MTSS1: variants seen among roughly 807,000 people sequenced by gnomAD.
MTSS1 encodes protein MTSS 1.
Under a neutral mutation model 79.0 loss-of-function variants are expected in MTSS1, and 18 were observed. The observed-to-expected ratio is 0.23, with a 90% CI of 0.16 to 0.34. The LOEUF (loss-of-function observed/expected upper bound fraction) is 0.34. Ranked by LOEUF, MTSS1 falls within the 10% of genes least tolerant of loss-of-function variation. MTSS1 has a pLI of 1.00. For synonymous variants in MTSS1, 341 were observed against 368.6 expected (o/e 0.93, Z 0.86); for missense variants, 815 against 986.2 (o/e 0.83, Z 2.33).
In MTSS1 at chr8:124,553,286, G is replaced by A; in HGVS notation, c.1974C>T (p.Thr658=). 6.2e-7 allele frequency: 1 copy of A among 1,614,204 alleles called. No homozygotes were observed. Among genetic ancestry groups the A allele is most frequent in the Non-Finnish European group, 8.5e-7 (1 of 1,180,032 alleles). The part of the protein sequence containing the change: ...PSVGEGPQGV[T]SMPSSMWSGQ... The stretch of plus-strand genomic sequence containing the variant: ...CGCTCCACATTGAGGAGGGCATGCT[G>A]GTGACACCTTGGGGGCCCTCACCCA... The change falls in exon 14 of 14, where the codon ACC becomes ACT. Residue 658 remains threonine (T), a synonymous_variant. Coordinates refer to ENST00000518547, the MANE Select transcript of MTSS1 (RefSeq NM_014751.6). This position sits in a 1 kb window ranked among gnomAD's most constrained non-coding sequence, Gnocchi z 6.0.
At chr8:124,638,938 A>G (rs528958562) in intron 3 of MTSS1, among the ~76,000 whole-genome samples, 1 of 152,386 alleles carries the variant, frequency 6.6e-6, no homozygotes, top group South Asian at 2.1e-4. Flanking sequence ...GCCAGTTTGA[A>G]TTCATCAAAA....
chr8:124,574,585 C>CA (rs970991933), intron 6 of MTSS1, among the ~76,000 whole-genome samples: 1 of 152,154 alleles, frequency 6.6e-6, no homozygotes, highest in Non-Finnish European at 1.5e-5. Flanking sequence ...AACAGCCGAT[C>CA]AAAAAGCCAG....
Position 124,568,447 on chromosome 8 carries a change from C to T in MTSS1, c.550G>A (p.Val184Ile), listed in dbSNP as rs1450597462. 1.2e-6 allele frequency: 2 copies of T among 1,614,182 alleles called. No homozygotes were observed. The highest frequency in any genetic ancestry group is 2.2e-5 in the East Asian group (1 of 44,880). ...LLLEETEKQA[V>I]RKALIEERGR... ...CGTTCTTCAATCAAAGCCTTCCGGA[C>T]AGCCTGCTTTTCTGTTTCTTCCAAT... The change falls in exon 7 of 14, where the codon GTC becomes ATC. Residue 184 changes from valine (V) to isoleucine (I), a missense_variant. Val to Ile is a conservative substitution (Grantham distance 29, BLOSUM62 3). Coordinates refer to ENST00000518547, the MANE Select transcript of MTSS1 (RefSeq NM_014751.6).
chr8:124,625,287 T>C (rs1460726022), intron 3 of MTSS1, among the ~76,000 whole-genome samples: 1 of 152,198 alleles, frequency 6.6e-6, no homozygotes, highest in African/African-American at 2.4e-5. Flanking sequence ...GTAAGATTCT[T>C]CTAAGGATCA....
intron 3 of MTSS1, among the ~76,000 whole-genome samples, chr8:124,661,579 A>G (rs1822036145): frequency 6.6e-6 from 1 of 152,226 alleles, no homozygotes; most frequent in Non-Finnish European, 1.5e-5. Flanking sequence ...GTGGAGTCCT[A>G]GCCACGCCAA....
Position 124,727,195 on chromosome 8 carries a change from C to T in MTSS1, c.72+689G>A, listed in dbSNP as rs1254729425. Among the ~76,000 whole-genome samples the T allele has an allele frequency of 6.6e-6, 1 of 152,224 alleles. No individual in the cohort carries two copies. The highest frequency in any genetic ancestry group is 1.5e-5 in the Non-Finnish European group (1 of 68,034). On this transcript the variant is annotated intron_variant, in intron 1 of 13. Transcript: ENST00000518547. The surrounding 1 kb of genome is among the most constrained non-coding windows in gnomAD (Gnocchi z 4.7). ...CGTTTGGGTCTGGGAGGGCAGGATA[C>T]AGTTATTTCGGGGGCCCCAATCTTG...
At chr8:124,640,299 G>A (rs569294257) in intron 3 of MTSS1, among the ~76,000 whole-genome samples, 1 of 152,302 alleles carries the variant, frequency 6.6e-6, no homozygotes, top group African/African-American at 2.4e-5. Context: ...TTAAAAAGTC[G>A]GGGTAGGAAA....
At chr8:124,603,252 C>G (rs1017377498) in intron 3 of MTSS1, among the ~76,000 whole-genome samples, 3 of 152,212 alleles carry the variant, frequency 2.0e-5, no homozygotes, top group Non-Finnish European at 4.4e-5. Flanking sequence ...TCTCGAACTC[C>G]TGACCTCAAG....
At chr8:124,668,285 G>C (rs1823494909) in intron 3 of MTSS1, among the ~76,000 whole-genome samples, 1 of 152,146 alleles carries the variant, frequency 6.6e-6, no homozygotes, top group Non-Finnish European at 1.5e-5. Context: ...GGCATGTTTT[G>C]TTCAGGCCCT....
At chr8:124,568,344 CA>C in intron 7 of MTSS1, 34 bp downstream of exon 7, 1 of 1,596,108 alleles carries the variant, frequency 6.3e-7, no homozygotes, top group Non-Finnish European at 8.5e-7. Flanking sequence ...TCTACACCAG[CA>C]GTTTAAACCT....
chr8:124,713,774 C>G (rs1831511766), intron 1 of MTSS1, among the ~76,000 whole-genome samples: 1 of 152,014 alleles, frequency 6.6e-6, no homozygotes, highest in Non-Finnish European at 1.5e-5. Context: ...GGCTGGAGTG[C>G]AGTGGCACAA....
At chr8:124,657,240 A>G (rs1212642611) in intron 3 of MTSS1, among the ~76,000 whole-genome samples, 1 of 152,188 alleles carries the variant, frequency 6.6e-6, no homozygotes, top group Non-Finnish European at 1.5e-5. Flanking sequence ...ACAATACTGC[A>G]GGACACAAAA....
chr8:124,567,000 AG>A lies in MTSS1; in HGVS notation c.726+70del. On this transcript the variant is annotated intron_variant, in intron 8 of 13. Coordinates refer to ENST00000518547, the MANE Select transcript of MTSS1 (RefSeq NM_014751.6). Reference sequence around the variant, plus strand: ...CAATTTAAGACGTGACACATGCCACAGGAACACTCAGGGCCTTGAGCTTTTA... The same window carrying A: ...CAATTTAAGACGTGACACATGCCACAGAACACTCAGGGCCTTGAGCTTTTA... 3.4e-6 allele frequency: 4 copies of A among 1,176,620 alleles called. No individual in the cohort carries two copies. In the South Asian group the frequency reaches 5.1e-5, roughly 15 times the overall value. 72.9% of individuals were successfully genotyped at this position (1,176,620 alleles called of 1,614,324 possible).
At chr8:124,660,615 G>A (rs908147513) in intron 3 of MTSS1, among the ~76,000 whole-genome samples, 1 of 152,090 alleles carries the variant, frequency 6.6e-6, no homozygotes, top group Non-Finnish European at 1.5e-5. Context: ...CACTTGCTGG[G>A]GCTGAGATGC....
intron 3 of MTSS1, among the ~76,000 whole-genome samples, chr8:124,656,867 G>T (rs557435840): frequency 4.4e-4 from 66 of 151,602 alleles, no homozygotes; most frequent in Non-Finnish European, 8.5e-4. Flanking sequence ...TATTCCAACT[G>T]CAGGCAACAT....
chr8:124,601,768 G>A (rs1833861758), intron 3 of MTSS1, among the ~76,000 whole-genome samples: 1 of 152,202 alleles, frequency 6.6e-6, no homozygotes, highest in Non-Finnish European at 1.5e-5. Context: ...CTGGAGGCCA[G>A]CACTAGCCAC....
chr8:124,621,829 G>A (rs547221915), intron 3 of MTSS1, among the ~76,000 whole-genome samples: 14 of 152,240 alleles, frequency 9.2e-5, no homozygotes, highest in African/African-American at 2.9e-4. Flanking sequence ...GATTACAGGC[G>A]TGATCCACCA....
intron 3 of MTSS1, among the ~76,000 whole-genome samples, chr8:124,640,116 T>A (rs1817752435): frequency 6.6e-6 from 1 of 152,220 alleles, no homozygotes; most frequent in Admixed American, 6.5e-5. Context: ...GGAAACTGAA[T>A]GTCTGGCCTC....
intron 3 of MTSS1, among the ~76,000 whole-genome samples, chr8:124,606,164 G>GTTTTTTT (rs199611609): frequency 9.4e-6 from 1 of 106,056 alleles, no homozygotes; most frequent in African/African-American, 4.4e-5. Flanking sequence ...TCTGTGTTTG[G>GTTTTTTT]TTTTTTGTTT....
Sources: gnomAD v4.1 joint callset for allele counts (sites outside exome capture counted in the v4.1 genomes callset) on GRCh38, gnomAD v4.1.1 for gene constraint, Gnocchi (gnomAD v3.1) non-coding constraint, MANE v1.5 for transcripts, NCBI Gene and HGNC (gene_info 2026-07-23, HGNC 2026-07-21) for gene names.